DIAPH2: variants seen among roughly 807,000 people sequenced by gnomAD.
DIAPH2 encodes the protein protein diaphanous homolog 2.
In DIAPH2, 35 loss-of-function variants were observed where a neutral mutation model predicts 92.7. That is an observed-to-expected ratio of 0.38 (90% CI 0.29 to 0.50). The LOEUF (loss-of-function observed/expected upper bound fraction) is 0.50. Ranked by LOEUF, DIAPH2 falls within the 20% of genes least tolerant of loss-of-function variation. The probability of loss-of-function intolerance (pLI) is 0.94; values close to 1 mark genes in which losing one functional copy is unlikely to be tolerated. For missense variants in DIAPH2, 701 were observed against 819.5 expected (o/e 0.86, Z 1.77); for synonymous variants, 301 against 280.4 (o/e 1.07, Z -0.73).
chrX:96,811,565 G>A (rs760347814), intron 4 of DIAPH2, among the ~76,000 whole-genome samples: 1 of 111,770 alleles, frequency 8.9e-6, no homozygotes, highest in South Asian at 3.8e-4. Flanking sequence ...ATGTTGAATA[G>A]GAGTGGTGAG....
At chrX:97,439,569 CAAA>C (rs200327735) in intron 26 of DIAPH2, among the ~76,000 whole-genome samples, 1 of 86,182 alleles carries the variant, frequency 1.2e-5, no homozygotes. Flanking sequence ...GACTCCGTCT[CAAA>C]AAAAAAAAAA....
At chrX:97,436,736 CAG>C (rs1249067466) in intron 26 of DIAPH2, among the ~76,000 whole-genome samples, 1 of 111,412 alleles carries the variant, frequency 9.0e-6, no homozygotes, top group Non-Finnish European at 1.9e-5. Context: ...TGGGAGTTAT[CAG>C]GGGGCATTTC....
chrX:97,583,255 T>G (rs1487031117), intron 26 of DIAPH2, among the ~76,000 whole-genome samples: 6 of 111,243 alleles, frequency 5.4e-5, no homozygotes, highest in Non-Finnish European at 1.1e-4. Flanking sequence ...GCGCTCTGAT[T>G]TTTAGAGTTT....
chrX:97,543,140 A>G (rs1044084767), intron 26 of DIAPH2, among the ~76,000 whole-genome samples: 1 of 112,507 alleles, frequency 8.9e-6, no homozygotes, highest in African/African-American at 3.2e-5. Context: ...GGTCCAGGGT[A>G]GTCCCATTCA....
At chrX:97,118,087 A>G (rs1362696030) in intron 21 of DIAPH2, among the ~76,000 whole-genome samples, 2 of 111,603 alleles carry the variant, frequency 1.8e-5, no homozygotes, top group Admixed American at 9.5e-5. Context: ...GTTTGTAAGT[A>G]TCAGAACGTG....
At chrX:97,560,896 C>T (rs188416491) in intron 26 of DIAPH2, among the ~76,000 whole-genome samples, 4 of 112,411 alleles carry the variant, frequency 3.6e-5, no homozygotes, top group Non-Finnish European at 5.6e-5. Context: ...CTAGAATGGA[C>T]CATTACATTA....
chrX:97,090,018 G>A (rs776123800), intron 19 of DIAPH2, among the ~76,000 whole-genome samples: 1 of 112,347 alleles, frequency 8.9e-6, no homozygotes, highest in African/African-American at 3.2e-5. Context: ...GTGAGCCACC[G>A]GGCCCAGCCC....
At chrX:97,210,114 G>A (rs1320493219) in intron 22 of DIAPH2, among the ~76,000 whole-genome samples, 1 of 111,467 alleles carries the variant, frequency 9.0e-6, no homozygotes, top group African/African-American at 3.3e-5. Context: ...TGTCAAGGAA[G>A]TGTGGATGAC....
intron 23 of DIAPH2, among the ~76,000 whole-genome samples, chrX:97,324,387 T>C (rs1413419632): frequency 8.9e-6 from 1 of 112,575 alleles, no homozygotes; most frequent in African/African-American, 3.2e-5. Flanking sequence ...GCCAGCTGTT[T>C]GGAAAGCATC....
chrX:96,750,801 A>G (rs1014573039), intron 3 of DIAPH2, among the ~76,000 whole-genome samples: 2 of 112,810 alleles, frequency 1.8e-5, no homozygotes, highest in Non-Finnish European at 3.7e-5. Flanking sequence ...GCAAATTTTC[A>G]GTAATGATCT....
intron 25 of DIAPH2, among the ~76,000 whole-genome samples, chrX:97,413,668 A>G (rs1483952944): frequency 8.9e-6 from 1 of 112,163 alleles, no homozygotes; most frequent in Admixed American, 9.5e-5. Flanking sequence ...ATCTCACTCA[A>G]ATCTCCATAA....
intron 23 of DIAPH2, among the ~76,000 whole-genome samples, chrX:97,274,622 G>GT (rs1227501576): frequency 2.7e-4 from 28 of 104,160 alleles, no homozygotes; most frequent in Admixed American, 5.2e-4. Flanking sequence ...TTCAGCACAA[G>GT]TTTTTTTTTT....
At chrX:97,304,681 T>G (rs750188190) in intron 23 of DIAPH2, among the ~76,000 whole-genome samples, 2 of 112,244 alleles carry the variant, frequency 1.8e-5, no homozygotes, top group Non-Finnish European at 3.8e-5. Flanking sequence ...GCTGTCACTA[T>G]GATTTGTGTT....
chrX:97,121,821 G>C (rs1302006444), intron 21 of DIAPH2, among the ~76,000 whole-genome samples: 3 of 111,818 alleles, frequency 2.7e-5, no homozygotes, highest in Non-Finnish European at 5.6e-5. Flanking sequence ...TACTGAAAGG[G>C]AACCTAGCAA....
At chrX:96,943,111 A>G (rs1249550871) in intron 13 of DIAPH2, among the ~76,000 whole-genome samples, 4 of 110,551 alleles carry the variant, frequency 3.6e-5, no homozygotes, top group African/African-American at 1.3e-4. Flanking sequence ...CTCTTTCTCT[A>G]TGACCTATCT....
chrX:97,528,172 T>G (rs1011972393), intron 26 of DIAPH2, among the ~76,000 whole-genome samples: 2 of 112,622 alleles, frequency 1.8e-5, no homozygotes, highest in Admixed American at 9.4e-5. Flanking sequence ...TAAATAGAGA[T>G]AAAAGTTGCA....
chrX:97,324,154 G>A (rs1187025275), intron 23 of DIAPH2, among the ~76,000 whole-genome samples: 1 of 111,412 alleles, frequency 9.0e-6, no homozygotes, highest in African/African-American at 3.3e-5. Context: ...ATTCCCATTC[G>A]AGAAGCCCCT....
At chrX:97,503,795 C>CA (rs2070814514) in intron 26 of DIAPH2, among the ~76,000 whole-genome samples, 4 of 111,811 alleles carry the variant, frequency 3.6e-5, no homozygotes, top group Middle Eastern at 4.6e-3. Flanking sequence ...ATCCCAGTGG[C>CA]AAAAATAAGA....
chrX:97,255,899 C>G (rs2068232527), intron 23 of DIAPH2, among the ~76,000 whole-genome samples: 1 of 111,815 alleles, frequency 8.9e-6, no homozygotes, highest in African/African-American at 3.2e-5. Context: ...ACACTATGAG[C>G]TACATTTTTC....
Sources: gnomAD v4.1 joint callset for allele counts (sites outside exome capture counted in the v4.1 genomes callset) on GRCh38, gnomAD v4.1.1 for gene constraint, MANE v1.5 for transcripts, NCBI Gene and HGNC (gene_info 2026-07-23, HGNC 2026-07-21) for gene names.